INTS8: variants seen among roughly 807,000 people sequenced by gnomAD.
INTS8 encodes protein kaonashi-1.
Under a neutral mutation model 138.9 loss-of-function variants are expected in INTS8, and 47 were observed. The observed-to-expected ratio is 0.34, with a 90% CI of 0.27 to 0.43. The LOEUF is 0.43. Ranked by LOEUF, INTS8 falls within the 20% of genes least tolerant of loss-of-function variation. The pLI is 1.00. For missense variants in INTS8, 996 were observed against 1,173.0 expected, an observed-to-expected ratio of 0.85 and a Z score of 2.20; for synonymous variants, 392 against 400.9, an observed-to-expected ratio of 0.98 and a Z score of 0.27.
At chr8:94,868,357 G>T (rs1475621553) in intron 20 of INTS8, among the ~76,000 whole-genome samples, 4 of 152,152 alleles carry the variant, frequency 2.6e-5, no homozygotes, top group Non-Finnish European at 4.4e-5. Context: ...AAGAAGAAAA[G>T]ATTTCGGTAC....
At chr8:94,827,923 GGTTT>G (rs1814571767) in intron 4 of INTS8, 130 bp downstream of exon 4, 2 of 785,176 alleles carry the variant, frequency 2.5e-6, no homozygotes, top group Admixed American at 2.1e-5. Context: ...CCTGTGTGAA[GGTTT>G]GTTTGAAGGA....
Position 94,866,138 on chromosome 8 carries a change from CA to C in INTS8, c.2262-15del. The C allele has an allele frequency of 9.3e-7, 1 of 1,074,186 alleles. No individual in the cohort carries two copies. Among genetic ancestry groups the C allele is most frequent in the Non-Finnish European group, 1.4e-6 (1 of 723,276 alleles). 66.5% of individuals were successfully genotyped at this position (1,074,186 alleles called of 1,614,324 possible). A position where few individuals can be genotyped will look rare whatever the true frequency, so the allele number is the denominator to read the frequency against. On this transcript the variant is annotated intron_variant, in intron 17 of 26. Coordinates refer to ENST00000523731, the MANE Select transcript of INTS8 (RefSeq NM_017864.4). ...TTATTTCTAATATTAAATGTGTATT[CA>C]AAAATTTTTGTTTTGTAGGAGTGAA...
intron 5 of INTS8, among the ~76,000 whole-genome samples, chr8:94,831,442 A>G (rs550715847): frequency 5.3e-5 from 8 of 150,922 alleles, no homozygotes; most frequent in Non-Finnish European, 1.2e-4. Context: ...TTCTACAGAA[A>G]AAAGATACCA....
At position 94,880,290 on chromosome 8, in the gene INTS8, A is replaced by G; in HGVS notation, c.*56A>G. On this transcript the variant is annotated 3_prime_UTR_variant, in exon 27 of 27. Coordinates refer to ENST00000523731, the MANE Select transcript of INTS8 (RefSeq NM_017864.4). Reference sequence around the variant, plus strand: ...AAACAATGGGCTAAAAATAAACAGTATTAAAAGGTTAAGTTTATATAATAC... The same window carrying G: ...AAACAATGGGCTAAAAATAAACAGTGTTAAAAGGTTAAGTTTATATAATAC... 2 of 913,488 alleles carry G rather than the reference A, an allele frequency of 2.2e-6. No individual in the cohort carries two copies. Among genetic ancestry groups the G allele is most frequent in the Non-Finnish European group, 3.4e-6 (2 of 581,676 alleles). The allele number at this position is 913,488 out of a possible 1,614,324, so 56.6% of individuals were successfully genotyped here.
At position 94,850,340 on chromosome 8, in the gene INTS8, T is replaced by C. The variant is rs181223730; in HGVS notation, c.1507+249T>C. On this transcript the variant is annotated intron_variant, in intron 12 of 26. Coordinates refer to ENST00000523731, the MANE Select transcript of INTS8 (RefSeq NM_017864.4). Reference sequence around the variant, plus strand: ...GATTTTAGCTGGGGAAGGCTGGGCGTGGTGGCTCACGCCTGTAATCCCAGC... The same window carrying C: ...GATTTTAGCTGGGGAAGGCTGGGCGCGGTGGCTCACGCCTGTAATCCCAGC... Among the ~76,000 whole-genome samples, 392 of 152,174 alleles carry C rather than the reference T, an allele frequency of 2.6e-3. 2 individuals are homozygous for C. Among genetic ancestry groups the C allele is most frequent in the Non-Finnish European group, 4.3e-3 (295 of 67,998 alleles).
At chr8:94,838,677 A>G (rs1298587975) in intron 8 of INTS8, 59 bp downstream of exon 8, 6 of 1,388,510 alleles carry the variant, frequency 4.3e-6, no homozygotes, top group African/African-American at 2.8e-5. Flanking sequence ...CTAAGTTCAA[A>G]TCCTCGCACC....
Position 94,881,660 on chromosome 8 carries a change from C to T in INTS8, c.*1426C>T, listed in dbSNP as rs1311407052. The T allele has an allele frequency of 6.2e-7, 1 of 1,613,306 alleles. No homozygotes were observed. Among genetic ancestry groups the T allele is most frequent in the East Asian group, 2.2e-5 (1 of 44,876 alleles). On this transcript the variant is annotated 3_prime_UTR_variant, in exon 27 of 27. Coordinates refer to ENST00000523731, the MANE Select transcript of INTS8 (RefSeq NM_017864.4). ...GTGTTTTCCTGGTGGTTTTTCAGTG[C>T]TCTTCGGTGGTGTCATAATGCCTCC...
chr8:94,824,336 T>G (rs1174205751), intron 1 of INTS8, among the ~76,000 whole-genome samples: 1 of 152,250 alleles, frequency 6.6e-6, no homozygotes, highest in African/African-American at 2.4e-5. Context: ...TTTTGGCACC[T>G]GTATAATGCC....
rs984023488 is a variant in INTS8 at position 94,836,748 on chromosome 8, C to T, written c.861+117C>T. ...TTCATTATTATAAATGTGTGATGTTCAAGAAAGTACTAAAACTGGTTTTTA... is the reference window on the plus strand; with the variant it reads ...TTCATTATTATAAATGTGTGATGTTTAAGAAAGTACTAAAACTGGTTTTTA... On this transcript the variant is annotated intron_variant, in intron 7 of 26. Transcript: ENST00000523731. 9.8e-6 allele frequency: 6 copies of T among 613,766 alleles called. No homozygotes were observed. The African/African-American group carries it at 1.1e-4, about 11-fold the overall frequency. 38.0% of individuals were successfully genotyped at this position (613,766 alleles called of 1,614,324 possible).
chr8:94,860,871 A>C lies in INTS8; in HGVS notation c.2076+1239A>C, dbSNP rs185647982. ...GAGATGGAGACCATCCTGGCTAACA[A>C]GGTGAAACCCCGTCCTTACTAAAAA... is the stretch of plus-strand genomic sequence containing the variant. On this transcript the variant is annotated intron_variant, in intron 16 of 26. Transcript: ENST00000523731. Among the ~76,000 whole-genome samples, 544 of 151,796 alleles carry C rather than the reference A, an allele frequency of 3.6e-3. 3 individuals carry two copies. Among genetic ancestry groups the C allele is most frequent in the Non-Finnish European group, 5.7e-3 (388 of 67,906 alleles).
intron 12 of INTS8, among the ~76,000 whole-genome samples, chr8:94,850,792 GAA>G (rs1376094603): frequency 3.3e-5 from 5 of 151,574 alleles, no homozygotes; most frequent in Non-Finnish European, 5.9e-5. Flanking sequence ...TCTGCTGACT[GAA>G]CAGCTTGGCA....
chr8:94,848,841 GTTATA>G (rs1463460090), intron 10 of INTS8, among the ~76,000 whole-genome samples: 3 of 151,928 alleles, frequency 2.0e-5, no homozygotes, highest in Admixed American at 6.6e-5. Context: ...TTTTACACTA[GTTATA>G]TTTTATTTTG....
chr8:94,838,400 G>C (rs1815012407), intron 7 of INTS8, 63 bp from the exon 8 acceptor site: 2 of 1,347,040 alleles, frequency 1.5e-6, no homozygotes, highest in African/African-American at 2.9e-5. Flanking sequence ...ACATGCTAAG[G>C]GGGTGCTAGA....
chr8:94,872,036 TTTTATAGC>T, intron 21 of INTS8, 34 bp downstream of exon 21: 1 of 1,017,196 alleles, frequency 9.8e-7, no homozygotes, highest in Non-Finnish European at 1.5e-6. Flanking sequence ...TGTGTTTTGT[TTTTATAGC>T]ACTTTTTGAA....
Position 94,865,665 on chromosome 8 carries a change from G to A in INTS8, c.2236G>A (p.Glu746Lys). The A allele has an allele frequency of 6.2e-7, 1 of 1,613,940 alleles. No individual in the cohort carries two copies. The highest frequency in any genetic ancestry group is 8.5e-7 in the Non-Finnish European group (1 of 1,179,884). Residue 746 changes from glutamate to lysine, a missense_variant, in exon 17 of 27, where the codon GAA (glutamate) becomes AAA (lysine). By Grantham distance (56) the Glu-to-Lys change is moderately conservative (BLOSUM62 1). Transcript: ENST00000523731. ...DGRVSLIKQRESTLGIMYRSE... is the reference protein window; with the variant it reads ...DGRVSLIKQRKSTLGIMYRSE... Reference sequence around the variant, plus strand: ...CAGAGTTAGTTTAATAAAACAGAGGGAATCTACGTTAGGTATCATGTATCG... The same window carrying A: ...CAGAGTTAGTTTAATAAAACAGAGGAAATCTACGTTAGGTATCATGTATCG...
chr8:94,876,573 T>C, intron 26 of INTS8, 84 bp downstream of exon 26: 1 of 817,304 alleles, frequency 1.2e-6, no homozygotes, highest in Non-Finnish European at 1.9e-6. Flanking sequence ...AAAAAATAGA[T>C]TTTGTGTACC....
rs144808854 is a variant in INTS8, at chr8:94,867,306, C to A, written c.2383C>A (p.His795Asn). The A allele has an allele frequency of 3.7e-6, 6 of 1,611,860 alleles. No homozygotes were observed. The highest frequency in any genetic ancestry group is 5.1e-6 in the Non-Finnish European group (6 of 1,178,838). Reference protein sequence around the residue: ...EDIVNDITAEHISIWPSSIPN... With the variant: ...EDIVNDITAENISIWPSSIPN... ...CATTGTGAATGATATTACAGCTGAA[C>A]ACATTTCTATTTGGCCATCTTCCAT... The change falls in exon 20 of 27, where the codon CAC (histidine) becomes AAC (asparagine). Residue 795 changes from histidine to asparagine, a missense_variant. Coordinates refer to ENST00000523731, the MANE Select transcript of INTS8 (RefSeq NM_017864.4).
In INTS8 at chr8:94,823,578, C is replaced by T. The variant is rs1481300722; in HGVS notation, c.130+17C>T. 2.6e-6 allele frequency: 4 copies of T among 1,539,818 alleles called. 1 individual carries two copies. In the South Asian group the frequency reaches 3.6e-5, roughly 14 times the overall value. ...CCTGCCCGGGTGAGCGCGGCGCCTG[C>T]ACCTGGGGAGCGGGACCCGGCCACC... On this transcript the variant is annotated intron_variant, in intron 1 of 26. Transcript: ENST00000523731.
At chr8:94,836,851 T>A (rs557475564) in intron 7 of INTS8, among the ~76,000 whole-genome samples, 1 of 152,206 alleles carries the variant, frequency 6.6e-6, no homozygotes, top group Admixed American at 6.5e-5. Context: ...TTTTTCTCTC[T>A]GTTTTTGTAC....
Sources: gnomAD v4.1 joint callset for allele counts (sites outside exome capture counted in the v4.1 genomes callset) on GRCh38, gnomAD v4.1.1 for gene constraint, MANE v1.5 for transcripts, NCBI Gene and HGNC (gene_info 2026-07-23, HGNC 2026-07-21) for gene names.